The following THAP7 variants were observed in gnomAD, a reference collection of about 807,000 sequenced individuals.
THAP7 encodes THAP domain-containing protein 7.
In THAP7, 22 loss-of-function variants were observed where a neutral mutation model predicts 29.2. The observed-to-expected ratio is 0.75, with a 90% CI of 0.54 to 1.08. THAP7 has a LOEUF of 1.08. Among genes scored for constraint, THAP7 ranks in the 50% least tolerant of loss-of-function variants. The probability of loss-of-function intolerance (pLI) is 0.00; values close to 1 mark genes in which losing one functional copy is unlikely to be tolerated. For missense variants in THAP7, 448 were observed against 416.2 expected (o/e 1.08, Z -0.66); for synonymous variants, 208 against 173.4 (o/e 1.20, Z -1.57).
Position 20,999,712 on chromosome 22 carries a change from G to A in THAP7, c.*168C>T. 1.3e-6 allele frequency: 1 copy of A among 759,390 alleles called. No individual in the cohort carries two copies. Among genetic ancestry groups the A allele is most frequent in the East Asian group, 2.7e-5 (1 of 36,942 alleles). 47.0% of individuals were successfully genotyped at this position (759,390 alleles called of 1,614,324 possible). ...CCTCTAGGAGCTGCAGCCACTGTCT[G>A]GGGCAGCAAGCTTAGTACTCAGAGG... On this transcript the variant is annotated 3_prime_UTR_variant, in exon 4 of 4. Transcript: ENST00000215742.
At position 21,000,188 on chromosome 22, in the gene THAP7, G is replaced by A; in HGVS notation, c.622C>T (p.Pro208Ser). 6.4e-7 allele frequency: 1 copy of A among 1,561,990 alleles called. No homozygotes were observed. Among genetic ancestry groups the A allele is most frequent in the Non-Finnish European group, 8.7e-7 (1 of 1,153,344 alleles). Residue 208 changes from proline (P) to serine (S), a missense_variant, in exon 4 of 4, where the codon CCA becomes TCA. Coordinates refer to ENST00000215742, the MANE Select transcript of THAP7 (RefSeq NM_030573.3). ...AGCATATACGCTGAGGGGGAGACTG[G>A]CCGTGGTTCGAGAGGGGAGGGCTGC... Reference protein sequence around the residue: ...ERQPSPLEPRPVSPSAYMLRL... With the variant: ...ERQPSPLEPRSVSPSAYMLRL...
At position 21,000,298 on chromosome 22, in the gene THAP7, A is replaced by G. The variant is rs1925081511; in HGVS notation, c.512T>C (p.Leu171Pro). 1 of 1,556,288 alleles carries G rather than the reference A, an allele frequency of 6.4e-7. No homozygotes were observed. Among genetic ancestry groups the G allele is most frequent in the South Asian group, 1.2e-5 (1 of 84,658 alleles). Residue 171 changes from leucine (L) to proline (P), a missense_variant, in exon 4 of 4, where the codon CTT becomes CCT. By Grantham distance (98) the Leu-to-Pro change is moderately conservative (BLOSUM62 -3). Transcript: ENST00000215742. ...CAGTAGGTCTGAAAAGGGGCTGCTA[A>G]GGCCAGGCTCCAGCCTCCCAGCTGG... ...ASPAGRLEPG[L>P]SSPFSDLLGP...
rs1253064527 is a variant in THAP7 at position 21,001,992 on chromosome 22, C to T, written c.-81G>A. The T allele has an allele frequency of 7.1e-6, 10 of 1,405,882 alleles. No homozygotes were observed. In the Admixed American group the frequency reaches 1.9e-4, roughly 26 times the overall value. 87.1% of individuals were successfully genotyped at this position (1,405,882 alleles called of 1,614,324 possible). ...CTCGCGCCTCCAGCCGCCGCTCCTC[C>T]CCAAGGGGCTCTGGCCTGTCGGGTC... On this transcript the variant is annotated 5_prime_UTR_variant, in exon 1 of 4. Transcript: ENST00000215742.
At chr22:21,001,580 C>T (rs1925168711) in intron 1 of THAP7, 169 bp from the exon 2 acceptor site, 2 of 1,102,664 alleles carry the variant, frequency 1.8e-6, no homozygotes, top group African/African-American at 1.6e-5. Flanking sequence ...ACGGAGGCCT[C>T]GAGAAGAAAA....
intron 2 of THAP7, 143 bp from the exon 3 acceptor site, chr22:21,000,930 A>G: frequency 7.7e-7 from 1 of 1,300,580 alleles, no homozygotes. Context: ...AGCTACACCA[A>G]TCGCTTCCCC....
chr22:20,999,291 A>G lies in THAP7; in HGVS notation c.*589T>C, dbSNP rs1490810185. On this transcript the variant is annotated 3_prime_UTR_variant, in exon 4 of 4. Coordinates refer to ENST00000215742, the MANE Select transcript of THAP7 (RefSeq NM_030573.3). ...TGTTGGGGCTTTACTACCTGCTGAC[A>G]TGACCCAGGAGGTTGATGATTGTCA... 2.6e-5 allele frequency: 4 copies of G among 152,590 alleles called. No individual in the cohort carries two copies. Among genetic ancestry groups the G allele is most frequent in the Non-Finnish European group, 4.4e-5 (3 of 68,312 alleles). 9.5% of individuals were successfully genotyped at this position (152,590 alleles called of 1,614,324 possible). A position where few individuals can be genotyped will look rare whatever the true frequency, so the allele number is the denominator to read the frequency against.
Position 21,001,955 on chromosome 22 carries a change from A to G in THAP7, c.-44T>C. 1 of 1,513,306 alleles carries G rather than the reference A, an allele frequency of 6.6e-7. No homozygotes were observed. Among genetic ancestry groups the G allele is most frequent in the South Asian group, 1.3e-5 (1 of 79,792 alleles). 93.7% of individuals were successfully genotyped at this position (1,513,306 alleles called of 1,614,324 possible). Reference sequence around the variant, plus strand: ...TTAAGTCGCAAGCGGCTCTCCGGGCATCCGGAGGAGCCTCGCGCCTCCAGC... The same window carrying G: ...TTAAGTCGCAAGCGGCTCTCCGGGCGTCCGGAGGAGCCTCGCGCCTCCAGC... On this transcript the variant is annotated 5_prime_UTR_variant, in exon 1 of 4. The change abolishes an upstream ATG in the 5' untranslated region. Coordinates refer to ENST00000215742, the MANE Select transcript of THAP7 (RefSeq NM_030573.3).
At chr22:21,001,533 G>T in intron 1 of THAP7, 122 bp from the exon 2 acceptor site, 1 of 1,430,504 alleles carries the variant, frequency 7.0e-7, no homozygotes, top group Non-Finnish European at 9.3e-7. Context: ...CTGCGACCCC[G>T]CCGGGTAAGC....
At chr22:21,000,858 G>GCAGCGC in intron 2 of THAP7, 71 bp from the exon 3 acceptor site, 1 of 1,598,636 alleles carries the variant, frequency 6.3e-7, no homozygotes, top group Non-Finnish European at 8.5e-7. Context: ...GCCCCCAGCA[G>GCAGCGC]CAGCGCCGTG....
chr22:21,000,678 C>A lies in THAP7; in HGVS notation c.346G>T (p.Glu116Ter). Reference sequence around the variant, plus strand: ...CTGCATCGTCTGAGCCGGCTGACTTCAGCGGGGCCAGGTGGGTAACTGTGT... The same window carrying A: ...CTGCATCGTCTGAGCCGGCTGACTTAAGCGGGGCCAGGTGGGTAACTGTGT... ...KGHSYPPGPA[E>*]VSRLRRCRKR... The change falls in exon 3 of 4, where the codon GAA becomes TAA. Residue 116 changes from glutamate to a stop codon, truncating the protein, a stop_gained. Coordinates refer to ENST00000215742, the MANE Select transcript of THAP7 (RefSeq NM_030573.3). LOFTEE classifies it high-confidence loss of function. 1 of 1,614,188 alleles carries A rather than the reference C, an allele frequency of 6.2e-7. No homozygotes were observed. Among genetic ancestry groups the A allele is most frequent in the Non-Finnish European group, 8.5e-7 (1 of 1,180,038 alleles).
chr22:21,001,531 C>T (rs1925165407), intron 1 of THAP7, 120 bp from the exon 2 acceptor site: 1 of 1,444,326 alleles, frequency 6.9e-7, no homozygotes. Context: ...CCCTGCGACC[C>T]CGCCGGGTAA....
rs1037636004 is a variant in THAP7, at chr22:20,999,172, T to C, written c.*708A>G. 2.6e-5 allele frequency: 4 copies of C among 152,196 alleles called. No individual in the cohort carries two copies. The highest frequency in any genetic ancestry group is 4.8e-5 in the African/African-American group (2 of 41,438). The allele number at this position is 152,196 out of a possible 1,614,324, so 9.4% of individuals were successfully genotyped here. On this transcript the variant is annotated 3_prime_UTR_variant, in exon 4 of 4. Coordinates refer to ENST00000215742, the MANE Select transcript of THAP7 (RefSeq NM_030573.3). ...GCAGCTGCAGCAAGGCCTTCCAGGT[T>C]CCTGGGAGTTGAAGGAAAAGGATGC...
intron 1 of THAP7, chr22:21,001,623 G>T: frequency 1.1e-6 from 1 of 894,080 alleles, no homozygotes; most frequent in Non-Finnish European, 1.7e-6. Context: ...GCAGGTAACA[G>T]AGTGGGGCGG....
Position 21,001,966 on chromosome 22 carries a change from C to G in THAP7, c.-55G>C, listed in dbSNP as rs1423569473. On this transcript the variant is annotated 5_prime_UTR_variant, in exon 1 of 4. Transcript: ENST00000215742. ...GCGGCTCTCCGGGCATCCGGAGGAGCCTCGCGCCTCCAGCCGCCGCTCCTC... is the reference window on the plus strand; with the variant it reads ...GCGGCTCTCCGGGCATCCGGAGGAGGCTCGCGCCTCCAGCCGCCGCTCCTC... The G allele has an allele frequency of 2.0e-6, 3 of 1,486,814 alleles. No individual in the cohort carries two copies. The highest frequency in any genetic ancestry group is 2.7e-6 in the Non-Finnish European group (3 of 1,113,394). 92.1% of individuals were successfully genotyped at this position (1,486,814 alleles called of 1,614,324 possible).
At chr22:21,001,505 C>T in intron 1 of THAP7, 94 bp from the exon 2 acceptor site, 1 of 1,506,708 alleles carries the variant, frequency 6.6e-7, no homozygotes, top group Non-Finnish European at 8.9e-7. Context: ...ACCCAACACG[C>T]GCCGCCACGA....
chr22:21,000,335 A>G lies in THAP7; in HGVS notation c.475T>C (p.Leu159=), dbSNP rs774720549. The change falls in exon 4 of 4, where the codon TTG becomes CTG. Residue 159 remains leucine, a synonymous_variant. Coordinates refer to ENST00000215742, the MANE Select transcript of THAP7 (RefSeq NM_030573.3). Reference sequence around the variant, plus strand: ...AGCCTCCCAGCTGGGGAGGCCGGCAAAGTGGCAGGTGCTGAGGCCTCTTCC... The same window carrying G: ...AGCCTCCCAGCTGGGGAGGCCGGCAGAGTGGCAGGTGCTGAGGCCTCTTCC... ...PVEEASAPAT[L]PASPAGRLEP... 3.9e-5 allele frequency: 61 copies of G among 1,554,132 alleles called. No homozygotes were observed. Among genetic ancestry groups the G allele is most frequent in the Non-Finnish European group, 5.2e-5 (60 of 1,148,826 alleles).
chr22:20,999,619 T>TTA lies in THAP7; in HGVS notation c.*260_*261insTA. ...CGCTAGCAGGGCTGACTGCCACCTG[T>TTA]CTACCAGTAGCTCTGAGGGGTGAGA... On this transcript the variant is annotated 3_prime_UTR_variant, in exon 4 of 4. Transcript: ENST00000215742. The TTA allele has an allele frequency of 1.9e-6, 1 of 522,532 alleles. No individual in the cohort carries two copies. Among genetic ancestry groups the TTA allele is most frequent in the South Asian group, 2.4e-5 (1 of 41,924 alleles). 32.4% of individuals were successfully genotyped at this position (522,532 alleles called of 1,614,324 possible).
In THAP7 at chr22:21,000,559, G is replaced by C. The variant is rs1925102651; in HGVS notation, c.377+88C>G. The C allele has an allele frequency of 9.4e-6, 15 of 1,591,732 alleles. No homozygotes were observed. In the South Asian group the frequency reaches 1.5e-4, roughly 16 times the overall value. ...ACAGGTTCTGTGTAGCAAGAACCCT[G>C]TCCAGCGAGACTGCTGGCAGACACC... On this transcript the variant is annotated intron_variant, in intron 3 of 3. Coordinates refer to ENST00000215742, the MANE Select transcript of THAP7 (RefSeq NM_030573.3).
chr22:20,999,702 G>A lies in THAP7; in HGVS notation c.*178C>T, dbSNP rs1925031809. The A allele has an allele frequency of 1.4e-6, 1 of 712,702 alleles. No individual in the cohort carries two copies. The highest frequency in any genetic ancestry group is 2.3e-6 in the Non-Finnish European group (1 of 441,196). 44.1% of individuals were successfully genotyped at this position (712,702 alleles called of 1,614,324 possible). ...TGGACTGAGCCCTCTAGGAGCTGCAGCCACTGTCTGGGGCAGCAAGCTTAG... is the reference window on the plus strand; with the variant it reads ...TGGACTGAGCCCTCTAGGAGCTGCAACCACTGTCTGGGGCAGCAAGCTTAG... On this transcript the variant is annotated 3_prime_UTR_variant, in exon 4 of 4. Transcript: ENST00000215742.
Sources: allele counts gnomAD v4.1 joint callset, GRCh38; gene constraint gnomAD v4.1.1; transcripts MANE v1.5; gene names NCBI Gene and HGNC (gene_info 2026-07-23, HGNC 2026-07-21).